Variants in PMEPA1 observed in about 807,000 individuals in gnomAD.
The protein encoded by PMEPA1 is prostate transmembrane protein, androgen induced 1.
PMEPA1 carries 11 observed loss-of-function variants against 23.0 expected under a neutral mutation model. That is an observed-to-expected ratio of 0.48 (90% CI 0.30 to 0.79). The LOEUF is 0.79. PMEPA1 is among the 30% of genes least tolerant of loss of function. The pLI is 0.06. For synonymous variants in PMEPA1, 204 were observed against 166.4 expected (o/e 1.23, Z -1.74); for missense variants, 377 against 390.9 (o/e 0.96, Z 0.30).
intron 1 of PMEPA1, among the ~76,000 whole-genome samples, chr20:57,702,147 TTGTC>T (rs1403656167): frequency 6.6e-6 from 1 of 152,130 alleles, no homozygotes; most frequent in Non-Finnish European, 1.5e-5. Flanking sequence ...GGGCAGGAAT[TTGTC>T]TGTGTCGTTC....
In PMEPA1 at chr20:57,651,797, TC is replaced by T. The variant is rs1415415593; in HGVS notation, c.*255del. ...GAAAGACTACTGTAGAAATTTTTTT[TC>T]TTTTGCCTTCAAGACACAGCTCAAC... is the stretch of plus-strand genomic sequence containing the variant. On this transcript the variant is annotated 3_prime_UTR_variant, in exon 4 of 4. Coordinates refer to ENST00000341744, the MANE Select transcript of PMEPA1 (RefSeq NM_020182.5). 2.9e-6 allele frequency: 1 copy of T among 339,092 alleles called. No individual in the cohort carries two copies. Among genetic ancestry groups the T allele is most frequent in the Non-Finnish European group, 5.3e-6 (1 of 190,458 alleles). 21.0% of individuals were successfully genotyped at this position (339,092 alleles called of 1,614,324 possible).
intron 1 of PMEPA1, among the ~76,000 whole-genome samples, chr20:57,662,914 G>A (rs561672696): frequency 3.3e-5 from 5 of 152,340 alleles, no homozygotes; most frequent in Non-Finnish European, 7.3e-5. Flanking sequence ...CTGCAGGGCC[G>A]GTGGGATGCA....
intron 1 of PMEPA1, among the ~76,000 whole-genome samples, chr20:57,686,384 T>G (rs1334849653): frequency 6.6e-6 from 1 of 152,202 alleles, no homozygotes; most frequent in African/African-American, 2.4e-5. Flanking sequence ...GAGACTGGTC[T>G]GCTCTCCTTC....
chr20:57,668,618 G>A (rs1452069373), intron 1 of PMEPA1, among the ~76,000 whole-genome samples: 1 of 152,162 alleles, frequency 6.6e-6, no homozygotes, highest in African/African-American at 2.4e-5. Flanking sequence ...GTGTAGGCTG[G>A]AGCACCTCTG....
chr20:57,700,108 C>A (rs746331554), intron 1 of PMEPA1: 2 of 471,334 alleles, frequency 4.2e-6, no homozygotes, highest in Non-Finnish European at 8.8e-6. Flanking sequence ...ACTGGCCCCT[C>A]CTGGAGACCT....
chr20:57,709,316 G>A (rs2072131678), intron 1 of PMEPA1, among the ~76,000 whole-genome samples, 158 bp downstream of exon 1: 1 of 146,304 alleles, frequency 6.8e-6, no homozygotes, highest in South Asian at 2.1e-4. Context: ...GCTGCCGCGA[G>A]CCGGGAGGGC....
upstream of PMEPA1, chr20:57,710,400 C>A: frequency 6.4e-7 from 1 of 1,570,520 alleles, no homozygotes; most frequent in Non-Finnish European, 8.7e-7. Flanking sequence ...GCACAAGGTC[C>A]CTGGGGGCTC....
intron 1 of PMEPA1, among the ~76,000 whole-genome samples, chr20:57,705,615 G>A (rs764566563): frequency 2.0e-5 from 3 of 152,210 alleles, no homozygotes; most frequent in African/African-American, 7.2e-5. Context: ...AGTAAAAGCT[G>A]AGTGGATGAG....
intron 1 of PMEPA1, among the ~76,000 whole-genome samples, chr20:57,687,266 G>A (rs1600661568): frequency 6.6e-6 from 1 of 152,184 alleles, no homozygotes; most frequent in Non-Finnish European, 1.5e-5. Flanking sequence ...TGTGCCTGGG[G>A]CACCTGTGCC....
chr20:57,655,624 A>AC lies in PMEPA1; in HGVS notation c.265-2539dup, dbSNP rs199766324. On this transcript the variant is annotated intron_variant, in intron 2 of 3. Transcript: ENST00000341744. This position sits in a 1 kb window ranked among gnomAD's most constrained non-coding sequence, Gnocchi z 4.2. ...CAGCCTCTGGCTATGTCTGCCAGTC[A>AC]CCCCAGGTGGAGGACAAGGACAGGT... Among the ~76,000 whole-genome samples, 3,100 of 152,098 alleles carry AC rather than the reference A, an allele frequency of 0.02. 52 individuals carry two copies. The highest frequency in any genetic ancestry group is 0.031 in the Non-Finnish European group (2,129 of 67,972).
At chr20:57,672,330 T>C (rs1236944714) in intron 1 of PMEPA1, among the ~76,000 whole-genome samples, 8 of 152,354 alleles carry the variant, frequency 5.3e-5, no homozygotes, top group Admixed American at 4.6e-4. Flanking sequence ...CAATTACTGA[T>C]TTTCAAGAGC....
At chr20:57,699,723 C>G (rs918350035) in intron 1 of PMEPA1, among the ~76,000 whole-genome samples, 4 of 152,194 alleles carry the variant, frequency 2.6e-5, no homozygotes, top group Non-Finnish European at 4.4e-5. Context: ...GATTCAGCTT[C>G]CTACTTCTCT....
rs1481700137 is a variant in PMEPA1 at position 57,709,919 on chromosome 20, G to T, written c.-337C>A. ...TAGCTTTCCCCAGCCGAGCGCCTCC[G>T]CCGCCGCCGCCGCCGCCGCCTCCTC... On this transcript the variant is annotated 5_prime_UTR_variant, in exon 1 of 4. Coordinates refer to ENST00000341744, the MANE Select transcript of PMEPA1 (RefSeq NM_020182.5). 1 of 972,728 alleles carries T rather than the reference G, an allele frequency of 1.0e-6. No individual in the cohort carries two copies. Among genetic ancestry groups the T allele is most frequent in the African/African-American group, 1.8e-5 (1 of 56,634 alleles). 60.3% of individuals were successfully genotyped at this position (972,728 alleles called of 1,614,324 possible). A position where few individuals can be genotyped will look rare whatever the true frequency, so the allele number is the denominator to read the frequency against.
intron 2 of PMEPA1, among the ~76,000 whole-genome samples, chr20:57,658,355 C>A (rs568260302): frequency 6.6e-6 from 1 of 152,304 alleles, no homozygotes; most frequent in East Asian, 1.9e-4. Context: ...AAGAGCAGCT[C>A]GCCCCAACTT....
intron 2 of PMEPA1, 70 bp downstream of exon 2, chr20:57,659,473 G>A (rs556697949): frequency 1.6e-4 from 241 of 1,514,252 alleles, no homozygotes; most frequent in East Asian, 1.6e-4. Flanking sequence ...ATTGGATCCC[G>A]TCTGAGTTTT....
At chr20:57,660,088 C>G (rs1037129273) in intron 1 of PMEPA1, among the ~76,000 whole-genome samples, 2 of 152,178 alleles carry the variant, frequency 1.3e-5, no homozygotes, top group Non-Finnish European at 2.9e-5. Context: ...GGGAGCCCTG[C>G]GCACTGGCTC....
At chr20:57,687,379 G>A (rs113142810) in intron 1 of PMEPA1, among the ~76,000 whole-genome samples, 1 of 152,150 alleles carries the variant, frequency 6.6e-6, no homozygotes. Flanking sequence ...GGCCAGAGGG[G>A]ACATGACTTG....
At position 57,649,468 on chromosome 20, in the gene PMEPA1, T is replaced by G. The variant is rs2071192635; in HGVS notation, c.*2585A>C. On this transcript the variant is annotated 3_prime_UTR_variant, in exon 4 of 4. Coordinates refer to ENST00000341744, the MANE Select transcript of PMEPA1 (RefSeq NM_020182.5). The stretch of plus-strand genomic sequence containing the variant: ...GTCATGAGAGGGACAGGCTCTGTCC[T>G]CAAGCCGGCTGAGGGCAGCAACCAC... 6.6e-6 allele frequency: 1 copy of G among 152,210 alleles called. No individual in the cohort carries two copies. The highest frequency in any genetic ancestry group is 1.5e-5 in the Non-Finnish European group (1 of 68,088). The allele number at this position is 152,210 out of a possible 1,614,324, so 9.4% of individuals were successfully genotyped here.
Position 57,659,684 on chromosome 20 carries a change from A to G in PMEPA1, c.123T>C (p.Phe41=), listed in dbSNP as rs778564980. 7.6e-6 allele frequency: 12 copies of G among 1,583,792 alleles called. No homozygotes were observed. The East Asian group carries it at 1.6e-4, about 21-fold the overall frequency. ...FQSMEITELE[F]VQIIIIVVVM... Reference sequence around the variant, plus strand: ...CCACCACGATGATGATGATCTGAACAAACTCCAGCTCCGCTGTGGAGACAA... The same window carrying G: ...CCACCACGATGATGATGATCTGAACGAACTCCAGCTCCGCTGTGGAGACAA... Residue 41 remains phenylalanine, a synonymous_variant, in exon 2 of 4, where the codon TTT becomes TTC. Coordinates refer to ENST00000341744, the MANE Select transcript of PMEPA1 (RefSeq NM_020182.5).
Sources: gnomAD v4.1 joint callset for allele counts (sites outside exome capture counted in the v4.1 genomes callset) on GRCh38, gnomAD v4.1.1 for gene constraint, Gnocchi (gnomAD v3.1) non-coding constraint, MANE v1.5 for transcripts, NCBI Gene and HGNC (gene_info 2026-07-23, HGNC 2026-07-21) for gene names.